The following RAB38 variants were observed in gnomAD, a reference collection of about 807,000 sequenced individuals.
The protein encoded by RAB38 is RAB38, member RAS oncogene family.
In RAB38, 15 loss-of-function variants were observed where a neutral mutation model predicts 18.4. The observed-to-expected ratio is 0.82, with a 90% CI of 0.55 to 1.26. RAB38 has a LOEUF of 1.26. Among genes scored for constraint, RAB38 ranks in the 50% most tolerant of loss-of-function variants. The pLI, the probability that RAB38 is intolerant of heterozygous loss-of-function variation, is 0.00. For missense variants in RAB38, 294 were observed against 267.4 expected, an observed-to-expected ratio of 1.10 and a Z score of -0.69; for synonymous variants, 101 against 104.4, an observed-to-expected ratio of 0.97 and a Z score of 0.20.
At chr11:87,937,965 TC>T in the RAB38 span, among the ~76,000 whole-genome samples, 1 of 151,864 alleles carries the variant, frequency 6.6e-6, no homozygotes, top group Non-Finnish European at 1.5e-5. Flanking sequence ...CTGTTGAATA[TC>T]TTTTTTATTC....
At chr11:88,063,617 A>T in the RAB38 span, among the ~76,000 whole-genome samples, 5 of 152,332 alleles carry the variant, frequency 3.3e-5, no homozygotes, top group South Asian at 1.0e-3. Flanking sequence ...CTTGAACTGT[A>T]GTAATCCCCA....
At chr11:88,070,659 A>G in the RAB38 span, among the ~76,000 whole-genome samples, 3 of 152,244 alleles carry the variant, frequency 2.0e-5, no homozygotes, top group African/African-American at 7.2e-5. Context: ...TCTGGTTGCC[A>G]GACATCAGAA....
intron 1 of RAB38, among the ~76,000 whole-genome samples, chr11:88,164,142 A>C (rs1943219548): frequency 6.6e-6 from 1 of 152,052 alleles, no homozygotes; most frequent in Admixed American, 6.6e-5. Context: ...GTATCCATTA[A>C]ATAAATTTTT....
the RAB38 span, among the ~76,000 whole-genome samples, chr11:88,045,641 T>C: frequency 6.6e-6 from 1 of 152,190 alleles, no homozygotes; most frequent in Admixed American, 6.5e-5. Flanking sequence ...TCCCAGATCT[T>C]CTTGGCTTAG....
intron 2 of RAB38, among the ~76,000 whole-genome samples, chr11:88,118,186 G>A (rs186020198): frequency 6.6e-4 from 100 of 152,352 alleles, no homozygotes; most frequent in African/African-American, 2.3e-3. Flanking sequence ...ACAATGGGCA[G>A]AGCACCTGGT....
At chr11:87,943,314 G>A in the RAB38 span, among the ~76,000 whole-genome samples, 2 of 152,056 alleles carry the variant, frequency 1.3e-5, no homozygotes, top group Non-Finnish European at 2.9e-5. Flanking sequence ...TATTATAACT[G>A]GATTTGTGGG....
the RAB38 span, among the ~76,000 whole-genome samples, chr11:88,101,897 ACACTG>A: frequency 8.6e-5 from 13 of 151,876 alleles, no homozygotes; most frequent in Non-Finnish European, 1.8e-4. Context: ...ATAGAAATAT[ACACTG>A]AATATTAATT....
At chr11:87,960,575 A>G in the RAB38 span, among the ~76,000 whole-genome samples, 1 of 152,120 alleles carries the variant, frequency 6.6e-6, no homozygotes, top group East Asian at 1.9e-4. Flanking sequence ...GGTAATTTAA[A>G]CAATGCTTTT....
the RAB38 span, among the ~76,000 whole-genome samples, chr11:88,007,915 G>C: frequency 6.6e-6 from 1 of 152,076 alleles, no homozygotes; most frequent in African/African-American, 2.4e-5. Flanking sequence ...ACAAAGGAAT[G>C]AACCACTGTA....
the RAB38 span, among the ~76,000 whole-genome samples, chr11:87,866,771 C>T: frequency 6.6e-6 from 1 of 151,750 alleles, no homozygotes; most frequent in African/African-American, 2.4e-5. Context: ...CTGATTTGTG[C>T]TCACAGAATG....
At chr11:88,069,193 G>T in the RAB38 span, among the ~76,000 whole-genome samples, 1 of 152,234 alleles carries the variant, frequency 6.6e-6, no homozygotes, top group Non-Finnish European at 1.5e-5. Flanking sequence ...TTAGCACCCG[G>T]GCCAGGAGGT....
At chr11:88,058,803 C>T in the RAB38 span, among the ~76,000 whole-genome samples, 1 of 152,324 alleles carries the variant, frequency 6.6e-6, no homozygotes, top group Middle Eastern at 3.4e-3. Context: ...TTGTGCTTCT[C>T]TAATGTGTCT....
At chr11:87,963,083 T>C in the RAB38 span, among the ~76,000 whole-genome samples, 1 of 152,200 alleles carries the variant, frequency 6.6e-6, no homozygotes, top group African/African-American at 2.4e-5. Context: ...TTTAACTATT[T>C]ATAATAATTT....
intron 2 of RAB38, among the ~76,000 whole-genome samples, chr11:88,136,869 T>C (rs1466819764): frequency 6.6e-6 from 1 of 152,194 alleles, no homozygotes. Context: ...TTCTCCATTC[T>C]TAGGATACCA....
intron 2 of RAB38, among the ~76,000 whole-genome samples, chr11:88,130,782 T>C (rs1193322883): frequency 6.6e-6 from 1 of 152,148 alleles, no homozygotes; most frequent in Non-Finnish European, 1.5e-5. Flanking sequence ...TGTCCAGAAG[T>C]AGCCTCATTT....
chr11:87,825,060 C>T, the RAB38 span, among the ~76,000 whole-genome samples: 177 of 152,014 alleles, frequency 1.2e-3, no homozygotes, highest in Non-Finnish European at 1.6e-3. Context: ...AGAATAGCAT[C>T]GAACTTCCCA....
At chr11:88,075,511 A>G in the RAB38 span, among the ~76,000 whole-genome samples, 2 of 152,222 alleles carry the variant, frequency 1.3e-5, no homozygotes, top group Non-Finnish European at 2.9e-5. Context: ...AATACAACGT[A>G]CCAAGGTCTT....
chr11:88,151,411 C>T (rs891194178), intron 1 of RAB38, among the ~76,000 whole-genome samples: 2 of 152,154 alleles, frequency 1.3e-5, no homozygotes, highest in Non-Finnish European at 2.9e-5. Flanking sequence ...CCTACTACTT[C>T]TAACTCTGTC....
the RAB38 span, among the ~76,000 whole-genome samples, chr11:87,813,330 T>C: frequency 1.2e-4 from 18 of 152,168 alleles, no homozygotes; most frequent in Admixed American, 1.2e-3. Context: ...TAAAGAACTG[T>C]TCCAGGGCGA....
Sources: allele counts gnomAD v4.1 joint callset (sites outside exome capture counted in the v4.1 genomes callset), GRCh38; gene constraint gnomAD v4.1.1; transcripts MANE v1.5; gene names NCBI Gene and HGNC (gene_info 2026-07-23, HGNC 2026-07-21).